UBAP2: variants seen among roughly 807,000 people sequenced by gnomAD.
UBAP2 encodes the protein ubiquitin-associated protein 2.
A neutral mutation model predicts 139.6 loss-of-function variants in UBAP2; 75 were observed. That is an observed-to-expected ratio of 0.54 (90% CI 0.45 to 0.65). UBAP2 has a LOEUF of 0.65. UBAP2 is among the 30% of genes least tolerant of loss of function. UBAP2 has a pLI of 0.00. For synonymous variants in UBAP2, 526 were observed against 526.2 expected (o/e 1.00, Z 0.01); for missense variants, 1,368 against 1,369.6 (o/e 1.00, Z 0.02).
At chr9:34,019,688 T>TAC (rs56358132) in intron 1 of UBAP2, among the ~76,000 whole-genome samples, 75,713 of 144,246 alleles carry the variant, frequency 0.52, 19,816 homozygotes, top group Middle Eastern at 0.66. Context: ...TACATTTTAC[T>TAC]ACACACACAC....
chr9:33,950,959 G>A lies in UBAP2; in HGVS notation c.1056+2326C>T, dbSNP rs188397249. On this transcript the variant is annotated intron_variant, in intron 12 of 28. Coordinates refer to ENST00000379238, the MANE Select transcript of UBAP2 (RefSeq NM_001370062.2). ...GCCCAAATCCCAATCCCAAAGATGA[G>A]GACATGTTTTGTTTTAGAGACTTGG... 2.0e-5 allele frequency among the ~76,000 whole-genome samples: 3 copies of A among 152,286 alleles called. No homozygotes were observed. In the East Asian group the frequency reaches 5.8e-4, roughly 29 times the overall value.
intron 13 of UBAP2, 149 bp downstream of exon 13, chr9:33,948,225 G>A: frequency 1.6e-6 from 1 of 609,312 alleles, no homozygotes; most frequent in Non-Finnish European, 2.7e-6. Flanking sequence ...TATAACAAAG[G>A]AAGACTGATT....
chr9:34,018,793 G>A (rs544648665), intron 1 of UBAP2, among the ~76,000 whole-genome samples: 42 of 152,230 alleles, frequency 2.8e-4, no homozygotes, highest in African/African-American at 9.9e-4. Context: ...AACCCGGGAG[G>A]TGGAGCTTGC....
intron 13 of UBAP2, 96 bp from the exon 14 acceptor site, chr9:33,944,735 C>T: frequency 7.2e-7 from 1 of 1,390,286 alleles, no homozygotes; most frequent in Non-Finnish European, 9.7e-7. Flanking sequence ...TTCTCCAAAT[C>T]ATTTCCAGTT....
At chr9:33,942,087 G>A (rs1195115497) in intron 15 of UBAP2, among the ~76,000 whole-genome samples, 5 of 152,058 alleles carry the variant, frequency 3.3e-5, no homozygotes, top group Non-Finnish European at 7.4e-5. Context: ...GCAGAGGTGG[G>A]CGGATCCGGA....
chr9:34,020,036 T>G (rs970578584), intron 1 of UBAP2, among the ~76,000 whole-genome samples: 4 of 151,020 alleles, frequency 2.6e-5, no homozygotes, highest in African/African-American at 9.7e-5. Flanking sequence ...GGCAGACGCC[T>G]GTAATCCCAG....
intron 4 of UBAP2, chr9:33,995,498 TATATATTTATATTATTAAATATATAA>T (rs1242540527): frequency 2.0e-4 from 26 of 130,732 alleles, no homozygotes; most frequent in South Asian, 4.3e-4. Flanking sequence ...TTATTAAATA[TATATATTTATATTATTAAATATATAA>T]ATATATTTAT....
chr9:33,978,601 A>C (rs1278321141), intron 6 of UBAP2, among the ~76,000 whole-genome samples: 1 of 152,050 alleles, frequency 6.6e-6, no homozygotes, highest in Non-Finnish European at 1.5e-5. Context: ...TAACACAGTG[A>C]AACCCCATCT....
chr9:33,961,432 C>G (rs1038944708), intron 9 of UBAP2, among the ~76,000 whole-genome samples: 5 of 152,140 alleles, frequency 3.3e-5, no homozygotes, highest in African/African-American at 9.7e-5. Context: ...CATATCAAGT[C>G]TGCTGCTTTA....
At chr9:34,000,370 C>CA (rs968110714) in intron 2 of UBAP2, among the ~76,000 whole-genome samples, 5 of 152,240 alleles carry the variant, frequency 3.3e-5, no homozygotes, top group Middle Eastern at 6.8e-3. Flanking sequence ...TTTTTACCAA[C>CA]AAAAAATCAG....
chr9:33,991,880 C>T (rs1342067037), intron 4 of UBAP2, among the ~76,000 whole-genome samples: 1 of 152,134 alleles, frequency 6.6e-6, no homozygotes, highest in African/African-American at 2.4e-5. Flanking sequence ...ACAGCCTCGC[C>T]GAAAGGTACT....
rs143612468 is a variant in UBAP2, at chr9:34,028,361, C to CTTATTTATTTATTTATTTATTTATTTAT, written c.-41-11200_-41-11173dup. ...CTGCTAATTCAGCTGTAAACCCTGT[C>CTTATTTATTTATTTATTTATTTATTTAT]TTATTTATTTATTTATTTATTTATT... On this transcript the variant is annotated intron_variant, in intron 1 of 28. Transcript: ENST00000379238. Among the ~76,000 whole-genome samples, 225 of 144,106 alleles carry CTTATTTATTTATTTATTTATTTATTTAT rather than the reference C, an allele frequency of 1.6e-3. 4 individuals carry two copies. Among genetic ancestry groups the CTTATTTATTTATTTATTTATTTATTTAT allele is most frequent in the Non-Finnish European group, 1.3e-3 (87 of 66,188 alleles). The allele number at this position is 144,106 out of a possible 152,430, so 94.5% of individuals were successfully genotyped here. A position where few individuals can be genotyped will look rare whatever the true frequency, so the allele number is the denominator to read the frequency against.
In UBAP2 at chr9:33,944,388, G is replaced by A. The variant is rs1463207332; in HGVS notation, c.1522C>T (p.Arg508Trp). 2.5e-6 allele frequency: 4 copies of A among 1,613,234 alleles called. No homozygotes were observed. Among genetic ancestry groups the A allele is most frequent in the Non-Finnish European group, 3.4e-6 (4 of 1,179,256 alleles). Residue 508 changes from arginine to tryptophan, a missense_variant, in exon 14 of 29, where the codon CGG (arginine) becomes TGG (tryptophan). By Grantham distance (101) the Arg-to-Trp change is moderately radical (BLOSUM62 -3). Transcript: ENST00000379238. ...ACCTTAGAAGCTGGGGGTATCCGCC[G>A]CTTAGCAAGTTTGATGTGTTTGGGC... ...PQPKHIKLAKRRIPPASKIPA... is the reference protein window; with the variant it reads ...PQPKHIKLAKWRIPPASKIPA...
intron 2 of UBAP2, among the ~76,000 whole-genome samples, chr9:34,004,797 A>AG (rs200580186): frequency 6.8e-6 from 1 of 147,654 alleles, no homozygotes; most frequent in East Asian, 2.0e-4. Flanking sequence ...AAAAAAAAAT[A>AG]GGGAAAAAAA....
At chr9:33,947,824 CAAA>C (rs67708083) in intron 13 of UBAP2, among the ~76,000 whole-genome samples, 20,934 of 139,074 alleles carry the variant, frequency 0.15, 1,661 homozygotes, top group South Asian at 0.35. Context: ...GATCCTGACT[CAAA>C]AAAAAAAAAA....
intron 1 of UBAP2, among the ~76,000 whole-genome samples, chr9:34,038,032 G>T (rs1412752862): frequency 6.7e-6 from 1 of 150,336 alleles, no homozygotes; most frequent in African/African-American, 2.4e-5. Context: ...AGCTAGGCAC[G>T]GTGGCACAAA....
intron 1 of UBAP2, among the ~76,000 whole-genome samples, chr9:34,043,646 A>G (rs1457342931): frequency 6.6e-6 from 1 of 151,994 alleles, no homozygotes; most frequent in Non-Finnish European, 1.5e-5. Flanking sequence ...GGTACATGCA[A>G]TCATGCCCAG....
chr9:33,935,914 C>G, intron 16 of UBAP2, 36 bp from the exon 17 acceptor site: 1 of 1,598,224 alleles, frequency 6.3e-7, no homozygotes. Context: ...TATAAACTTA[C>G]AAAATGAAAT....
At chr9:34,026,469 G>A (rs916280480) in intron 1 of UBAP2, among the ~76,000 whole-genome samples, 1 of 152,122 alleles carries the variant, frequency 6.6e-6, no homozygotes, top group Non-Finnish European at 1.5e-5. Context: ...TGTTAAAGAA[G>A]CAAGTCTTCA....
Sources: gnomAD v4.1 joint callset for allele counts (sites outside exome capture counted in the v4.1 genomes callset) on GRCh38, gnomAD v4.1.1 for gene constraint, MANE v1.5 for transcripts, NCBI Gene and HGNC (gene_info 2026-07-23, HGNC 2026-07-21) for gene names.